FANCA: variants seen among roughly 807,000 people sequenced by gnomAD.
FANCA encodes the protein FA complementation group A, also known as Fanconi anemia group A protein.
FANCA carries 236 observed loss-of-function variants against 194.3 expected under a neutral mutation model. That is an observed-to-expected ratio of 1.21 (90% CI 1.09 to 1.35). FANCA has a LOEUF of 1.35. FANCA is among the 40% of genes most tolerant of loss of function. FANCA has a pLI of 0.00. For synonymous variants in FANCA, 1,014 were observed against 715.8 expected, an observed-to-expected ratio of 1.42 and a Z score of -6.65; for missense variants, 2,628 against 1,813.9, an observed-to-expected ratio of 1.45 and a Z score of -8.15.
chr16:89,738,021 G>A lies in FANCA; in HGVS notation c.*580C>T. On this transcript the variant is annotated 3_prime_UTR_variant, in exon 43 of 43. Transcript: ENST00000389301. ...AGTGCAGGCAGCGGGCATCCCTCAA[G>A]TACCACATGACCAAACACAAGGCTG... is the stretch of plus-strand genomic sequence containing the variant. The A allele has an allele frequency of 6.2e-7, 1 of 1,614,130 alleles. No homozygotes were observed. Among genetic ancestry groups the A allele is most frequent in the Non-Finnish European group, 8.5e-7 (1 of 1,180,034 alleles).
intron 10 of FANCA, 130 bp downstream of exon 10, chr16:89,799,036 G>A (rs371650069): frequency 4.3e-6 from 7 of 1,614,116 alleles, no homozygotes; most frequent in Admixed American, 1.7e-5. Context: ...GCACGTTATC[G>A]TAACTGGCAG....
chr16:89,776,826 G>A (rs1268003831), intron 20 of FANCA, among the ~76,000 whole-genome samples: 4 of 151,748 alleles, frequency 2.6e-5, no homozygotes, highest in Admixed American at 6.6e-5. Context: ...CCGAGACTCC[G>A]ACTCAAAAAA....
At chr16:89,775,149 G>A (rs1397006641) in intron 21 of FANCA, among the ~76,000 whole-genome samples, 2 of 151,774 alleles carry the variant, frequency 1.3e-5, no homozygotes, top group East Asian at 1.9e-4. Flanking sequence ...GCTCATAGCG[G>A]CTCCCACAGG....
At chr16:89,797,197 G>A (rs1182454435) in intron 10 of FANCA, among the ~76,000 whole-genome samples, 2 of 152,052 alleles carry the variant, frequency 1.3e-5, no homozygotes, top group Non-Finnish European at 2.9e-5. Context: ...CAGGCATGGT[G>A]GCACACACCT....
chr16:89,781,464 G>A (rs530441006), intron 17 of FANCA, among the ~76,000 whole-genome samples: 3 of 150,702 alleles, frequency 2.0e-5, no homozygotes, highest in South Asian at 2.1e-4. Flanking sequence ...ACGAGGTCAG[G>A]AGATTGAGAC....
At chr16:89,798,349 A>G (rs2040318524) in intron 10 of FANCA, 3 of 1,034,148 alleles carry the variant, frequency 2.9e-6, no homozygotes, top group Non-Finnish European at 3.5e-6. Context: ...ATGCACATGT[A>G]AACATTCAGG....
At chr16:89,809,119 G>A (rs1234591118) in intron 5 of FANCA, among the ~76,000 whole-genome samples, 3 of 151,830 alleles carry the variant, frequency 2.0e-5, no homozygotes, top group Non-Finnish European at 4.4e-5. Flanking sequence ...TGTTAGCCAG[G>A]ATGGGCTCGA....
At chr16:89,786,777 G>T (rs2039912564) in intron 14 of FANCA, among the ~76,000 whole-genome samples, 1 of 152,164 alleles carries the variant, frequency 6.6e-6, no homozygotes, top group South Asian at 2.1e-4. Context: ...CCAAATACCA[G>T]GAAAGCAGCT....
At position 89,811,030 on chromosome 16, in the gene FANCA, C is replaced by T. The variant is rs772639206; in HGVS notation, c.325G>A (p.Val109Met). The change falls in exon 4 of 43, where the codon GTG becomes ATG. Residue 109 changes from valine (V) to methionine (M), a missense_variant. Coordinates refer to ENST00000389301, the MANE Select transcript of FANCA (RefSeq NM_000135.4). The part of the protein sequence containing the change: ...QDQASRLGVP[V>M]GILSAGMVAS... ...ACCATCCCGGCTGAGAGAATACCCACGGGAACCCCCAGCCTTGAGGCTTGA... is the reference window on the plus strand; with the variant it reads ...ACCATCCCGGCTGAGAGAATACCCATGGGAACCCCCAGCCTTGAGGCTTGA... 9.9e-6 allele frequency: 16 copies of T among 1,614,050 alleles called. No individual in the cohort carries two copies. Among genetic ancestry groups the T allele is most frequent in the South Asian group, 6.6e-5 (6 of 91,088 alleles).
At chr16:89,796,582 A>C (rs2040256577) in intron 10 of FANCA, among the ~76,000 whole-genome samples, 1 of 152,192 alleles carries the variant, frequency 6.6e-6, no homozygotes, top group Admixed American at 6.5e-5. Context: ...GGGGTCACAG[A>C]GCCAGGTGGC....
Position 89,764,933 on chromosome 16 carries a change from G to T in FANCA, c.2735C>A (p.Thr912Lys), listed in dbSNP as rs376302719. Residue 912 changes from threonine to lysine, a missense_variant, in exon 28 of 43, where the codon ACA (threonine) becomes AAA (lysine). By Grantham distance (78) the Thr-to-Lys change is moderately conservative. Transcript: ENST00000389301. ...CAACACCTCTCGGAAGGTTCTGTGT[G>T]TCCAGAGAGAGAGGGCAGCTCTCTG... ...DWQRAALSLW[T>K]HRTFREVLKE... 3 of 1,614,228 alleles carry T rather than the reference G, an allele frequency of 1.9e-6. No homozygotes were observed. Among genetic ancestry groups the T allele is most frequent in the African/African-American group, 2.7e-5 (2 of 75,066 alleles).
intron 17 of FANCA, among the ~76,000 whole-genome samples, chr16:89,781,254 C>T (rs2039690549): frequency 6.7e-6 from 1 of 150,050 alleles, no homozygotes; most frequent in South Asian, 2.1e-4. Context: ...GTCCCAGCTA[C>T]TCGGGAGGCT....
intron 15 of FANCA, among the ~76,000 whole-genome samples, chr16:89,784,389 A>C (rs1450030546): frequency 7.4e-5 from 11 of 148,782 alleles, no homozygotes; most frequent in Non-Finnish European, 1.5e-4. Context: ...ACCCAAAAAA[A>C]CAAAAAAACA....
At position 89,770,603 on chromosome 16, in the gene FANCA, TGACAGAAA is replaced by T. The variant is rs1555547935; in HGVS notation, c.2175_2182del (p.Phe726GlufsTer65). On this transcript the variant is annotated frameshift_variant, in exon 24 of 43. Coordinates refer to ENST00000389301, the MANE Select transcript of FANCA (RefSeq NM_000135.4). LOFTEE classifies it high-confidence loss of function. ...GACACTGGAGGCAGCCATCAGGTTC[TGACAGAAA>T]GACGTCAGCAGGAGGTCCACAGCCT... The T allele has an allele frequency of 6.8e-6, 11 of 1,611,912 alleles. No homozygotes were observed. The highest frequency in any genetic ancestry group is 9.3e-6 in the Non-Finnish European group (11 of 1,179,114).
Position 89,790,298 on chromosome 16 carries a change from G to A in FANCA, c.1359+1105C>T, listed in dbSNP as rs563732338. Among the ~76,000 whole-genome samples the A allele has an allele frequency of 1.4e-3, 214 of 152,074 alleles. 1 individual carries two copies. Among genetic ancestry groups the A allele is most frequent in the African/African-American group, 4.9e-3 (204 of 41,476 alleles). On this transcript the variant is annotated intron_variant, in intron 14 of 42. Coordinates refer to ENST00000389301, the MANE Select transcript of FANCA (RefSeq NM_000135.4). ...AACCCCAGCTACTCGGGAGGCGGAG[G>A]CAGGAGAATTGCTTGAACCCAGGAG...
intron 29 of FANCA, among the ~76,000 whole-genome samples, chr16:89,759,318 TAAAAAAAAAAAAAAA>T (rs71137673): frequency 8.0e-5 from 6 of 75,180 alleles, no homozygotes; most frequent in Admixed American, 1.6e-4. Context: ...AGACTCCGTC[TAAAAAAAAAAAAAAA>T]AAAAAAAAAA....
intron 3 of FANCA, among the ~76,000 whole-genome samples, 154 bp from the exon 4 acceptor site, chr16:89,811,225 A>AT (rs1157755308): frequency 6.6e-6 from 1 of 152,248 alleles, no homozygotes; most frequent in Non-Finnish European, 1.5e-5. Context: ...AAAACATGAG[A>AT]TAAAAATGAG....
At chr16:89,767,042 T>C (rs1378498271) in intron 27 of FANCA, 99 bp downstream of exon 27, 2 of 964,788 alleles carry the variant, frequency 2.1e-6, no homozygotes, top group Non-Finnish European at 3.4e-6. Flanking sequence ...GCCCCTGAGA[T>C]GGGCACAAAG....
intron 17 of FANCA, among the ~76,000 whole-genome samples, chr16:89,781,188 C>A (rs1339549107): frequency 1.3e-5 from 2 of 151,274 alleles, no homozygotes; most frequent in East Asian, 1.9e-4. Context: ...CACGGTGAAA[C>A]CCCATCTCTA....
Sources: allele counts gnomAD v4.1 joint callset (sites outside exome capture counted in the v4.1 genomes callset), GRCh38; gene constraint gnomAD v4.1.1; transcripts MANE v1.5; gene names NCBI Gene and HGNC (gene_info 2026-07-23, HGNC 2026-07-21).